Variants in RBM19 observed in about 807,000 individuals in gnomAD.
RBM19 encodes probable RNA-binding protein 19.
Under a neutral mutation model 116.8 loss-of-function variants are expected in RBM19, and 94 were observed. That is an observed-to-expected ratio of 0.80 (90% CI 0.68 to 0.95). The LOEUF (loss-of-function observed/expected upper bound fraction) is 0.95, where lower values mean the gene tolerates loss of function less well. Among genes scored for constraint, RBM19 ranks in the 40% least tolerant of loss-of-function variants. The probability of loss-of-function intolerance (pLI) is 0.00; values close to 1 mark genes in which losing one functional copy is unlikely to be tolerated. For missense variants in RBM19, 1,161 were observed against 1,220.7 expected, an observed-to-expected ratio of 0.95 and a Z score of 0.73; for synonymous variants, 475 against 494.1, an observed-to-expected ratio of 0.96 and a Z score of 0.51.
chr12:113,909,034 T>C (rs1203235844), intron 21 of RBM19, among the ~76,000 whole-genome samples: 1 of 152,174 alleles, frequency 6.6e-6, no homozygotes, highest in Non-Finnish European at 1.5e-5. Context: ...GTAACGGGAC[T>C]GCAGGACCGC....
intron 21 of RBM19, among the ~76,000 whole-genome samples, chr12:113,885,355 T>C (rs1034244748): frequency 5.3e-5 from 8 of 152,202 alleles, no homozygotes; most frequent in African/African-American, 1.9e-4. Context: ...TGGCTTGTAC[T>C]TTTCAAAACT....
At chr12:113,912,462 T>C (rs1882492529) in intron 21 of RBM19, among the ~76,000 whole-genome samples, 1 of 152,000 alleles carries the variant, frequency 6.6e-6, no homozygotes, top group African/African-American at 2.4e-5. Context: ...CAGAGAGGAG[T>C]GGCTCCAAGC....
At chr12:113,836,351 C>T (rs550317536) in intron 23 of RBM19, among the ~76,000 whole-genome samples, 31 of 152,298 alleles carry the variant, frequency 2.0e-4, no homozygotes, top group East Asian at 1.5e-3. Context: ...TCTTTGCCTA[C>T]TCAGGCCAAC....
intron 21 of RBM19, among the ~76,000 whole-genome samples, chr12:113,887,634 CAAAA>C (rs35665613): frequency 2.8e-5 from 2 of 71,176 alleles, no homozygotes; most frequent in Admixed American, 1.9e-4. Context: ...GACTCCATCT[CAAAA>C]AAAAAAAAAA....
At chr12:113,884,559 G>T (rs1033176101) in intron 21 of RBM19, among the ~76,000 whole-genome samples, 2 of 152,122 alleles carry the variant, frequency 1.3e-5, no homozygotes, top group Non-Finnish European at 2.9e-5. Flanking sequence ...GATGTGCCAA[G>T]GTTGGGAAAC....
intron 23 of RBM19, among the ~76,000 whole-genome samples, chr12:113,830,824 T>C (rs944792203): frequency 7.2e-5 from 11 of 152,126 alleles, no homozygotes; most frequent in Non-Finnish European, 1.6e-4. Context: ...ACTGATCTCT[T>C]TTCTTTTGGC....
At chr12:113,927,734 A>G (rs1869234961) in intron 16 of RBM19, among the ~76,000 whole-genome samples, 1 of 152,230 alleles carries the variant, frequency 6.6e-6, no homozygotes, top group Non-Finnish European at 1.5e-5. Flanking sequence ...AGAATGTTAC[A>G]TACCATCGAA....
At chr12:113,875,780 C>G (rs939083312) in intron 21 of RBM19, among the ~76,000 whole-genome samples, 2 of 152,198 alleles carry the variant, frequency 1.3e-5, no homozygotes, top group Admixed American at 1.3e-4. Flanking sequence ...GCAAAGTTCA[C>G]GCAGAGGGAA....
At chr12:113,868,091 G>A (rs1186453266) in intron 21 of RBM19, among the ~76,000 whole-genome samples, 1 of 152,180 alleles carries the variant, frequency 6.6e-6, no homozygotes, top group African/African-American at 2.4e-5. Flanking sequence ...GCTAAATATA[G>A]TCCATGTATT....
At chr12:113,873,660 A>C in intron 21 of RBM19, among the ~76,000 whole-genome samples, 1 of 123,270 alleles carries the variant, frequency 8.1e-6, no homozygotes, top group Non-Finnish European at 1.7e-5. Flanking sequence ...TGTGAGAAAC[A>C]CCCAAGAATT....
chr12:113,875,724 G>C (rs967674011), intron 21 of RBM19, among the ~76,000 whole-genome samples: 2 of 152,226 alleles, frequency 1.3e-5, no homozygotes, highest in African/African-American at 2.4e-5. Flanking sequence ...GAGGCCCCTT[G>C]CAACAGCCAC....
Position 113,856,818 on chromosome 12 carries a change from C to G in RBM19, c.2664+1973G>C, listed in dbSNP as rs35674219. The stretch of plus-strand genomic sequence containing the variant: ...CCGTATGTAGGGGCCAGGCCCTGTT[C>G]TAAATTATCACCCCATCCAAACCTC... On this transcript the variant is annotated intron_variant, in intron 22 of 23. Coordinates refer to ENST00000261741, the MANE Select transcript of RBM19 (RefSeq NM_016196.4). Among the ~76,000 whole-genome samples the G allele has an allele frequency of 4.1e-3, 632 of 152,292 alleles. 8 individuals are homozygous for G. Among genetic ancestry groups the G allele is most frequent in the African/African-American group, 0.014 (602 of 41,566 alleles).
chr12:113,939,675 G>A (rs1225962997), intron 15 of RBM19, among the ~76,000 whole-genome samples: 2 of 151,760 alleles, frequency 1.3e-5, no homozygotes, highest in African/African-American at 4.8e-5. Context: ...GCGTGAACCC[G>A]GGAGGCGGAG....
At chr12:113,919,367 C>T (rs552377927) in intron 19 of RBM19, among the ~76,000 whole-genome samples, 1 of 152,274 alleles carries the variant, frequency 6.6e-6, no homozygotes, top group African/African-American at 2.4e-5. Context: ...GTCAGGAGAT[C>T]GAGACCATCC....
At chr12:113,963,058 G>A (rs1255720670) in intron 1 of RBM19, among the ~76,000 whole-genome samples, 1 of 152,148 alleles carries the variant, frequency 6.6e-6, no homozygotes, top group Non-Finnish European at 1.5e-5. Context: ...ATGAACCAAG[G>A]AAGGCAGGTG....
In RBM19 at chr12:113,872,422, C is replaced by T. The variant is rs1302906716; in HGVS notation, c.2559-13526G>A. On this transcript the variant is annotated intron_variant, in intron 21 of 23. Transcript: ENST00000261741. ...GGGGTCAGCCCTCCGCCCGGCCAGC[C>T]GCCCCGTCTGGGAGGTGAGGGGCGC... Among the ~76,000 whole-genome samples, 128 of 146,228 alleles carry T rather than the reference C, an allele frequency of 8.8e-4. 1 individual carries two copies. Among genetic ancestry groups the T allele is most frequent in the Non-Finnish European group, 1.3e-3 (84 of 65,718 alleles).
At chr12:113,841,716 C>T (rs1361016075) in intron 23 of RBM19, among the ~76,000 whole-genome samples, 8 of 152,144 alleles carry the variant, frequency 5.3e-5, no homozygotes, top group African/African-American at 1.4e-4. Context: ...TGAGCCACTG[C>T]GCCTGGCCAG....
chr12:113,943,310 C>T (rs1023985047), intron 13 of RBM19, among the ~76,000 whole-genome samples: 17 of 152,100 alleles, frequency 1.1e-4, no homozygotes, highest in African/African-American at 4.1e-4. Context: ...TCAGAGTACT[C>T]GGGGGATCTG....
At chr12:113,880,279 A>C (rs1880008992) in intron 21 of RBM19, among the ~76,000 whole-genome samples, 1 of 151,838 alleles carries the variant, frequency 6.6e-6, no homozygotes, top group Admixed American at 6.6e-5. Flanking sequence ...TTGCTCTGAT[A>C]CCCCCTGAAG....
Sources: gnomAD v4.1 joint callset for allele counts (sites outside exome capture counted in the v4.1 genomes callset) on GRCh38, gnomAD v4.1.1 for gene constraint, MANE v1.5 for transcripts, NCBI Gene and HGNC (gene_info 2026-07-23, HGNC 2026-07-21) for gene names.